UNC13C: variants seen among roughly 807,000 people sequenced by gnomAD.
UNC13C encodes the protein unc-13 homolog C.
UNC13C carries 174 observed loss-of-function variants against 245.4 expected under a neutral mutation model. The ratio of observed to expected loss-of-function variants is 0.71; its 90% CI spans 0.63 to 0.80. UNC13C has a LOEUF of 0.80. Among genes scored for constraint, UNC13C ranks in the 30% least tolerant of loss-of-function variants. The pLI, the probability that UNC13C is intolerant of heterozygous loss-of-function variation, is 0.00. For missense variants in UNC13C, 2,829 were observed against 2,602.9 expected, an observed-to-expected ratio of 1.09 and a Z score of -1.89; for synonymous variants, 992 against 895.1, an observed-to-expected ratio of 1.11 and a Z score of -1.93.
intron 2 of UNC13C, among the ~76,000 whole-genome samples, chr15:54,074,143 C>G (rs1398023005): frequency 6.6e-6 from 1 of 152,108 alleles, no homozygotes; most frequent in Non-Finnish European, 1.5e-5. Context: ...AGAATCTTTC[C>G]CCATTGCTTG....
chr15:54,341,948 C>G (rs1236539973), intron 17 of UNC13C, among the ~76,000 whole-genome samples: 1 of 150,790 alleles, frequency 6.6e-6, no homozygotes, highest in Non-Finnish European at 1.5e-5. Flanking sequence ...TGCACTCCAG[C>G]CTGGGCGACA....
intron 30 of UNC13C, among the ~76,000 whole-genome samples, chr15:54,577,480 A>G (rs561622860): frequency 2.0e-5 from 3 of 152,308 alleles, no homozygotes; most frequent in Middle Eastern, 3.4e-3. Context: ...TGTGGGTCAC[A>G]GTCTTGAGCA....
intron 19 of UNC13C, among the ~76,000 whole-genome samples, chr15:54,465,021 A>G (rs1430318108): frequency 6.6e-6 from 1 of 152,080 alleles, no homozygotes; most frequent in African/African-American, 2.4e-5. Flanking sequence ...TGTATATTAC[A>G]CAGATAATAC....
Position 54,083,081 on chromosome 15 carries a change from T to C in UNC13C, c.2984-59937T>C, listed in dbSNP as rs529201425. On this transcript the variant is annotated intron_variant, in intron 2 of 32. Transcript: ENST00000260323. The stretch of plus-strand genomic sequence containing the variant: ...CAATGAAGAGTAAGAGCCGGCTCAT[T>C]CTCAGCTCAGGGGGAAGTGCCCACC... Among the ~76,000 whole-genome samples, 15 of 152,192 alleles carry C rather than the reference T, an allele frequency of 9.9e-5. No individual in the cohort carries two copies. The South Asian group carries it at 3.1e-3, about 32-fold the overall frequency.
chr15:54,607,393 C>T (rs1405385510), intron 30 of UNC13C, among the ~76,000 whole-genome samples: 1 of 152,128 alleles, frequency 6.6e-6, no homozygotes, highest in South Asian at 2.1e-4. Flanking sequence ...CAGTTCAATA[C>T]ATTCTTTAGA....
At chr15:54,017,755 G>A (rs891979639) in intron 2 of UNC13C, among the ~76,000 whole-genome samples, 2 of 152,072 alleles carry the variant, frequency 1.3e-5, no homozygotes, top group African/African-American at 4.8e-5. Flanking sequence ...CTTAACCTTG[G>A]AATACACACA....
chr15:53,838,859 G>C, the UNC13C span, among the ~76,000 whole-genome samples: 1 of 151,976 alleles, frequency 6.6e-6, no homozygotes, highest in East Asian at 1.9e-4. Context: ...GGAGGAGAGA[G>C]AGTTGGTTAA....
chr15:54,620,785 CAAA>C (rs34567553), intron 30 of UNC13C, among the ~76,000 whole-genome samples: 11 of 134,956 alleles, frequency 8.2e-5, no homozygotes, highest in Non-Finnish European at 1.3e-4. Flanking sequence ...GACCCTGTCT[CAAA>C]AAAAAAAAAA....
rs145513885 is a variant in UNC13C, at chr15:54,011,745, C to G, written c.-256-903C>G. Among the ~76,000 whole-genome samples, 1,170 of 151,634 alleles carry G rather than the reference C, an allele frequency of 7.7e-3. 18 individuals carry two copies. The highest frequency in any genetic ancestry group is 0.027 in the African/African-American group (1,102 of 41,484). On this transcript the variant is annotated intron_variant, in intron 1 of 32. Transcript: ENST00000260323. ...TCATCTCTTTCGCTCCATCTTTTCT[C>G]CTCCTCTTCTATGCTCCCCTTGTCT... is the stretch of plus-strand genomic sequence containing the variant.
chr15:54,402,944 C>G (rs1159699699), intron 18 of UNC13C, among the ~76,000 whole-genome samples: 1 of 152,122 alleles, frequency 6.6e-6, no homozygotes, highest in Non-Finnish European at 1.5e-5. Context: ...ATTCATGAGA[C>G]CATATCAGGA....
At chr15:53,932,717 TTTC>T in the UNC13C span, among the ~76,000 whole-genome samples, 1 of 152,150 alleles carries the variant, frequency 6.6e-6, no homozygotes, top group Admixed American at 6.5e-5. Context: ...TTTGACCTCT[TTTC>T]TTATTCATTT....
upstream of UNC13C, among the ~76,000 whole-genome samples, chr15:53,976,316 T>C (rs1369448613): frequency 6.6e-6 from 1 of 152,210 alleles, no homozygotes; most frequent in Non-Finnish European, 1.5e-5. Flanking sequence ...GAAGCATTCA[T>C]GAAACATTAT....
At position 54,525,647 on chromosome 15, in the gene UNC13C, C is replaced by T. The variant is rs1353132140; in HGVS notation, c.5546+10C>T. The T allele has an allele frequency of 6.2e-7, 1 of 1,605,826 alleles. No individual in the cohort carries two copies. Among genetic ancestry groups the T allele is most frequent in the Admixed American group, 1.7e-5 (1 of 59,216 alleles). ...TCACTTATGGTGAAAGGTAAGTGGC[C>T]TCTGTTGTCATTATCTAAATTAGAT... On this transcript the variant is annotated intron_variant, in intron 25 of 32. Coordinates refer to ENST00000260323, the MANE Select transcript of UNC13C (RefSeq NM_001080534.3).
intron 17 of UNC13C, among the ~76,000 whole-genome samples, chr15:54,390,611 T>C (rs2039934227): frequency 6.6e-6 from 1 of 152,126 alleles, no homozygotes; most frequent in Non-Finnish European, 1.5e-5. Flanking sequence ...ATAATTACCA[T>C]ATTTTCTTGA....
chr15:54,164,464 T>C (rs999226870), intron 4 of UNC13C, among the ~76,000 whole-genome samples: 31 of 152,168 alleles, frequency 2.0e-4, no homozygotes, highest in African/African-American at 7.2e-4. Flanking sequence ...TGGCCAAATA[T>C]TTGTGTGGAT....
At chr15:53,995,469 A>T (rs1020938151) in intron 1 of UNC13C, among the ~76,000 whole-genome samples, 1 of 30,290 alleles carries the variant, frequency 3.3e-5, no homozygotes, top group African/African-American at 1.4e-4. Flanking sequence ...TTGCCCGCCC[A>T]CCCCACCCCC....
intron 4 of UNC13C, among the ~76,000 whole-genome samples, chr15:54,211,458 C>T (rs760799081): frequency 2.5e-4 from 38 of 152,066 alleles, no homozygotes; most frequent in Non-Finnish European, 5.1e-4. Flanking sequence ...AAAAGTCCTA[C>T]TTGGTAGCAT....
chr15:54,173,657 A>G (rs890516996), intron 4 of UNC13C, among the ~76,000 whole-genome samples: 3 of 151,546 alleles, frequency 2.0e-5, no homozygotes, highest in Non-Finnish European at 4.4e-5. Flanking sequence ...GTTATCCACA[A>G]ATACAGTTTC....
At chr15:54,609,128 G>A (rs1899938194) in intron 30 of UNC13C, among the ~76,000 whole-genome samples, 2 of 152,136 alleles carry the variant, frequency 1.3e-5, no homozygotes, top group African/African-American at 4.8e-5. Context: ...TTGCATTGTT[G>A]TCCATAACTA....
Sources: gnomAD v4.1 joint callset for allele counts (sites outside exome capture counted in the v4.1 genomes callset) on GRCh38, gnomAD v4.1.1 for gene constraint, MANE v1.5 for transcripts, NCBI Gene and HGNC (gene_info 2026-07-23, HGNC 2026-07-21) for gene names.